The following PRKDC variants were observed in gnomAD, a reference collection of about 807,000 sequenced individuals.
PRKDC encodes the protein protein kinase, DNA-activated, catalytic subunit.
In PRKDC, 82 loss-of-function variants were observed where a neutral mutation model predicts 486.9. That is an observed-to-expected ratio of 0.17 (90% CI 0.14 to 0.20). The LOEUF (loss-of-function observed/expected upper bound fraction) is 0.20. Ranked by LOEUF, PRKDC falls within the 10% of genes least tolerant of loss-of-function variation. The pLI, the probability that PRKDC is intolerant of heterozygous loss-of-function variation, is 1.00. For synonymous variants in PRKDC, 1,895 were observed against 1,837.0 expected (o/e 1.03, Z -0.81); for missense variants, 4,504 against 5,038.2 (o/e 0.89, Z 3.21).
chr8:47,797,624 A>G (rs75377092), intron 73 of PRKDC, among the ~76,000 whole-genome samples: 1 of 152,342 alleles, frequency 6.6e-6, no homozygotes, highest in African/African-American at 2.4e-5. Context: ...GAAGCCTTTC[A>G]GAGGCCCTAC....
chr8:47,826,814 A>G lies in PRKDC; in HGVS notation c.8625T>C (p.Ala2875=), dbSNP rs756127946. Residue 2875 remains alanine (A), a synonymous_variant, in exon 63 of 86, where the codon GCT becomes GCC. Transcript: ENST00000314191. ...HAALLSLDPA[A]VSAGCLASLQ... ...GGCTGGCCAGGCAACCAGCGCTAAC[A>G]GCCGCTGGGTCGAGGCTCAGCAGGG... The G allele has an allele frequency of 2.6e-5, 41 of 1,606,082 alleles. No homozygotes were observed. In the East Asian group the frequency reaches 8.3e-4, roughly 32 times the overall value.
At chr8:47,911,958 C>T (rs953200297) in intron 25 of PRKDC, among the ~76,000 whole-genome samples, 1 of 151,728 alleles carries the variant, frequency 6.6e-6, no homozygotes, top group Non-Finnish European at 1.5e-5. Context: ...TTAGTAGAGA[C>T]GGGGGTTTTA....
At chr8:47,955,688 G>C (rs2090689713) in intron 4 of PRKDC, among the ~76,000 whole-genome samples, 186 bp downstream of exon 4, 1 of 152,012 alleles carries the variant, frequency 6.6e-6, no homozygotes, top group South Asian at 2.1e-4. Context: ...ACCCAGAAGA[G>C]TCTGAAAACA....
At position 47,819,482 on chromosome 8, in the gene PRKDC, T is replaced by C. The variant is rs912972655; in HGVS notation, c.9365A>G (p.His3122Arg). 6.6e-7 allele frequency: 1 copy of C among 1,521,052 alleles called. No individual in the cohort carries two copies. Among genetic ancestry groups the C allele is most frequent in the Middle Eastern group, 1.9e-4 (1 of 5,318 alleles). The allele number at this position is 1,521,052 out of a possible 1,614,324, so 94.2% of individuals were successfully genotyped here. The change falls in exon 67 of 86, where the codon CAC (histidine) becomes CGC (arginine). Residue 3122 changes from histidine to arginine, a missense_variant. Physicochemically the swap from His to Arg is conservative, Grantham distance 29. Around this residue, in one of 6 missense-constraint regions of PRKDC, gnomAD observed 1,592 missense variants for 1,724.6 expected, o/e 0.92. Transcript: ENST00000314191. ...QNYSSIDVLL[H>R]QSRLTKLQSV... is the part of the protein sequence containing the mutation. Reference sequence around the variant, plus strand: ...CTGCAATTTGGTGAGTCTACTTTGGTGTAAGAGGACATCAATACTAGAATA... The same window carrying C: ...CTGCAATTTGGTGAGTCTACTTTGGCGTAAGAGGACATCAATACTAGAATA...
At chr8:47,883,324 C>T (rs2154501573) in intron 36 of PRKDC, among the ~76,000 whole-genome samples, 1 of 152,304 alleles carries the variant, frequency 6.6e-6, no homozygotes, top group South Asian at 2.1e-4. Context: ...GCTTTTTCTC[C>T]AGTGGAAACC....
intron 37 of PRKDC, 89 bp downstream of exon 37, chr8:47,881,822 GC>G: frequency 1.7e-6 from 2 of 1,152,462 alleles, no homozygotes; most frequent in Non-Finnish European, 2.4e-6. Flanking sequence ...AAACCAATGA[GC>G]TTTTGGAGCA....
At chr8:47,904,054 A>C (rs949572915) in intron 26 of PRKDC, among the ~76,000 whole-genome samples, 5 of 152,102 alleles carry the variant, frequency 3.3e-5, no homozygotes. Flanking sequence ...CAGGTTCAAA[A>C]TTTATAGTAA....
intron 66 of PRKDC, among the ~76,000 whole-genome samples, chr8:47,819,711 T>A (rs2087541116): frequency 6.6e-6 from 1 of 152,134 alleles, no homozygotes; most frequent in South Asian, 2.1e-4. Context: ...AAGGTTTCAA[T>A]AACATTTTGG....
intron 40 of PRKDC, among the ~76,000 whole-genome samples, chr8:47,869,840 C>T (rs1039171589): frequency 3.7e-4 from 56 of 152,210 alleles, no homozygotes; most frequent in African/African-American, 1.3e-3. Flanking sequence ...GCAGCATTCA[C>T]CACAAGCTGA....
intron 54 of PRKDC, among the ~76,000 whole-genome samples, chr8:47,846,615 C>G (rs114367402): frequency 6.6e-6 from 1 of 152,162 alleles, no homozygotes; most frequent in Non-Finnish European, 1.5e-5. Flanking sequence ...TGCCCACTCT[C>G]ATCACTCCTA....
chr8:47,901,019 T>C (rs540251087), intron 27 of PRKDC, among the ~76,000 whole-genome samples: 2 of 150,512 alleles, frequency 1.3e-5, no homozygotes, highest in South Asian at 4.2e-4. Flanking sequence ...TTGGGTGCAG[T>C]GGTGCACACC....
chr8:47,931,488 T>G (rs574561310), intron 16 of PRKDC, among the ~76,000 whole-genome samples: 1 of 151,896 alleles, frequency 6.6e-6, no homozygotes, highest in Admixed American at 6.6e-5. Context: ...GGAAGTCCCT[T>G]TGGGCAAGTT....
At chr8:47,812,566 T>C (rs181657135) in intron 68 of PRKDC, among the ~76,000 whole-genome samples, 6 of 152,276 alleles carry the variant, frequency 3.9e-5, no homozygotes, top group Admixed American at 2.0e-4. Flanking sequence ...CTGAATGACA[T>C]ACCAAAATGT....
chr8:47,864,193 C>G (rs1199334778), intron 41 of PRKDC, among the ~76,000 whole-genome samples: 2 of 138,646 alleles, frequency 1.4e-5, no homozygotes, highest in East Asian at 3.9e-4. Context: ...GGAAATGTGA[C>G]CAGGGAGGAA....
At chr8:47,825,293 T>C (rs1589723183) in intron 63 of PRKDC, among the ~76,000 whole-genome samples, 1 of 152,010 alleles carries the variant, frequency 6.6e-6, no homozygotes, top group Non-Finnish European at 1.5e-5. Context: ...CCCAGCACTT[T>C]GGGAGGCCGG....
chr8:47,854,079 G>A lies in PRKDC; in HGVS notation c.6893+4C>T, dbSNP rs779297405. 62 of 1,613,458 alleles carry A rather than the reference G, an allele frequency of 3.8e-5. No individual in the cohort carries two copies. Among genetic ancestry groups the A allele is most frequent in the Non-Finnish European group, 4.7e-5 (55 of 1,179,736 alleles). ...ACCTAAAAAATAATCAAGCAAACAC[G>A]TACTCGCTACTCTGGATGCCACACT... is the stretch of plus-strand genomic sequence containing the variant. On this transcript the variant is annotated splice_donor_region_variant and intron_variant, in intron 51 of 85. Coordinates refer to ENST00000314191, the MANE Select transcript of PRKDC (RefSeq NM_006904.7).
chr8:47,881,059 A>C (rs2089203781), intron 38 of PRKDC, among the ~76,000 whole-genome samples: 1 of 148,888 alleles, frequency 6.7e-6, no homozygotes, highest in Non-Finnish European at 1.5e-5. Flanking sequence ...AAAAAAAAAA[A>C]AAGAAAGCAA....
chr8:47,853,299 C>T (rs1589743440), intron 51 of PRKDC, among the ~76,000 whole-genome samples: 1 of 152,228 alleles, frequency 6.6e-6, no homozygotes, highest in East Asian at 1.9e-4. Flanking sequence ...GCCGAGTTCC[C>T]ACTGAGGCTG....
chr8:47,774,970 C>G (rs1426193234), intron 85 of PRKDC, among the ~76,000 whole-genome samples: 1 of 151,864 alleles, frequency 6.6e-6, no homozygotes, highest in Non-Finnish European at 1.5e-5. Context: ...GGTGGCTCGC[C>G]TGAGGTCAGG....
Sources: gnomAD v4.1 joint callset for allele counts (sites outside exome capture counted in the v4.1 genomes callset) on GRCh38, gnomAD v4.1.1 for gene constraint, gnomAD v4.1.1 regional missense constraint, MANE v1.5 for transcripts, NCBI Gene and HGNC (gene_info 2026-07-23, HGNC 2026-07-21) for gene names.